The following SGO1 variants were observed in gnomAD, a reference collection of about 807,000 sequenced individuals.
The protein encoded by SGO1 is shugoshin 1, also known as serologically defined breast cancer antigen NY-BR-85.
SGO1 carries 39 observed loss-of-function variants against 50.5 expected under a neutral mutation model. That is an observed-to-expected ratio of 0.77 (90% CI 0.60 to 1.01). SGO1 has a LOEUF of 1.01. Ranked by LOEUF, SGO1 falls within the 50% of genes least tolerant of loss-of-function variation. The pLI, the probability that SGO1 is intolerant of heterozygous loss-of-function variation, is 0.00. For missense variants in SGO1, 638 were observed against 606.0 expected (o/e 1.05, Z -0.55); for synonymous variants, 191 against 205.1 (o/e 0.93, Z 0.59).
At chr3:20,167,282 C>T (rs1042839004), downstream of SGO1, among the ~76,000 whole-genome samples, 8 of 151,962 alleles carry the variant, frequency 5.3e-5, no homozygotes, top group African/African-American at 1.7e-4. Flanking sequence ...GGTTTAAAGA[C>T]CTTAAAGTGA....
downstream of SGO1, among the ~76,000 whole-genome samples, chr3:20,168,168 TTAGGATAATG>T (rs1168842206): frequency 2.0e-5 from 3 of 152,122 alleles, no homozygotes; most frequent in Non-Finnish European, 2.9e-5. Context: ...AACACTGATT[TTAGGATAATG>T]ATTGACTTTG....
At chr3:20,185,567 C>T (rs561581918) in intron 1 of SGO1, among the ~76,000 whole-genome samples, 2 of 152,112 alleles carry the variant, frequency 1.3e-5, no homozygotes, top group Non-Finnish European at 2.9e-5. Context: ...AGTCCTGCTG[C>T]GAAGACAGCC....
rs1701101930 is a variant in SGO1 at position 20,174,276 on chromosome 3, C to G, written c.1255G>C (p.Gly419Arg). ...GTAGGAGTTTTTGTTGGCTTAGAAC[C>G]CTCCGTCTCTTTTTCATCTGTGTAT... is the stretch of plus-strand genomic sequence containing the variant. ...LKYTDEKETE[G>R]SKPTKTPTTT... Residue 419 changes from glycine to arginine, a missense_variant, in exon 6 of 8, where the codon GGT becomes CGT. Physicochemically the swap from Gly to Arg is moderately radical, Grantham distance 125 (BLOSUM62 -2). Transcript: ENST00000412997. 1.2e-6 allele frequency: 2 copies of G among 1,614,016 alleles called. No homozygotes were observed. The highest frequency in any genetic ancestry group is 1.7e-6 in the Non-Finnish European group (2 of 1,179,958).
At chr3:20,171,342 A>G (rs1700723100) in intron 6 of SGO1, 110 bp from the exon 7 acceptor site, 1 of 948,590 alleles carries the variant, frequency 1.1e-6, no homozygotes, top group African/African-American at 1.7e-5. Flanking sequence ...AGCATTTAAT[A>G]ATAGAATTTT....
At chr3:20,172,792 T>TAAAAAAAAAA (rs60411282) in intron 6 of SGO1, among the ~76,000 whole-genome samples, 3 of 98,888 alleles carry the variant, frequency 3.0e-5, no homozygotes, top group South Asian at 3.4e-4. Context: ...TCACAAAAAG[T>TAAAAAAAAAA]AAAAAAAAAA....
rs1368717160 is a variant in SGO1 at position 20,174,728 on chromosome 3, G to A, written c.803C>T (p.Thr268Ile). 6.2e-7 allele frequency: 1 copy of A among 1,613,250 alleles called. No individual in the cohort carries two copies. Among genetic ancestry groups the A allele is most frequent in the Non-Finnish European group, 8.5e-7 (1 of 1,179,896 alleles). ...TTTAGATTCTAAAATGTCTTCTTTT[G>A]TTTTAGTAAACGTTCCTGGCTGAAT... ...KLIQPGTFTK[T>I]KEDILESKSE... Residue 268 changes from threonine to isoleucine, a missense_variant, in exon 6 of 8, where the codon ACA (threonine) becomes ATA (isoleucine). Transcript: ENST00000412997.
Position 20,183,608 on chromosome 3 carries a change from C to T in SGO1, c.339G>A (p.Gln113=), listed in dbSNP as rs777766415. The change falls in exon 3 of 8, where the codon CAG becomes CAA. Residue 113 remains glutamine (Q), a splice_region_variant and synonymous_variant. Coordinates refer to ENST00000412997, the MANE Select transcript of SGO1 (RefSeq NM_001199251.3). The stretch of plus-strand genomic sequence containing the variant: ...AATTCGGCCTTAGTAATGAAAATAC[C>T]TGAGCAGGTTCTACTGTTTGTTGTG... The part of the protein sequence containing the change: ...LTSQQTVEPA[Q]NQEICSSGMD... The T allele has an allele frequency of 3.8e-6, 6 of 1,567,256 alleles. No individual in the cohort carries two copies. Among genetic ancestry groups the T allele is most frequent in the Non-Finnish European group, 4.3e-6 (5 of 1,162,748 alleles).
In SGO1 at chr3:20,161,228, T is replaced by C. The variant is rs757608866; in HGVS notation, c.1565-2A>G. 2 of 1,570,614 alleles carry C rather than the reference T, an allele frequency of 1.3e-6. No individual in the cohort carries two copies. Among genetic ancestry groups the C allele is most frequent in the Non-Finnish European group, 1.7e-6 (2 of 1,161,882 alleles). ...TGGCAGGTGATACCTCCAGGGCTCC[T>C]GGTAAAAGCAAACACAAAATCAGTC... On this transcript the variant is annotated splice_acceptor_variant, in intron 8 of 8. Coordinates refer to the SGO1 transcript ENST00000263753. LOFTEE classifies it high-confidence loss of function.
downstream of SGO1, among the ~76,000 whole-genome samples, chr3:20,167,450 A>G (rs905625875): frequency 1.4e-5 from 2 of 141,506 alleles, no homozygotes; most frequent in Non-Finnish European, 3.2e-5. Context: ...CAACAGAAAA[A>G]AAGGAATAGT....
At chr3:20,184,068 A>G (rs201214353) in intron 1 of SGO1, 34 bp from the exon 2 acceptor site, 2 of 1,494,534 alleles carry the variant, frequency 1.3e-6, no homozygotes, top group East Asian at 4.7e-5. Context: ...CTCAGAGAGA[A>G]TATTATCAAA....
At chr3:20,176,743 T>C (rs1041117519) in intron 4 of SGO1, 84 bp from the exon 5 acceptor site, 7 of 889,272 alleles carry the variant, frequency 7.9e-6, no homozygotes, top group African/African-American at 1.7e-5. Flanking sequence ...ATAATTTTTC[T>C]TTCCTTTAGT....
chr3:20,174,237 T>C lies in SGO1; in HGVS notation c.1282+12A>G, dbSNP rs1309210044. On this transcript the variant is annotated intron_variant, in intron 6 of 7. Transcript: ENST00000412997. ...AACATTAAAAATACAGGTAAACAAG[T>C]AGATCACTTACTGGTAGGAGTTTTT... 1 of 1,589,014 alleles carries C rather than the reference T, an allele frequency of 6.3e-7. No homozygotes were observed. Among genetic ancestry groups the C allele is most frequent in the South Asian group, 1.1e-5 (1 of 90,454 alleles).
chr3:20,180,749 G>A (rs1265731727), intron 3 of SGO1, among the ~76,000 whole-genome samples: 1 of 152,170 alleles, frequency 6.6e-6, no homozygotes, highest in Non-Finnish European at 1.5e-5. Context: ...ATTATCTTTT[G>A]AAATTTGATG....
downstream of SGO1, chr3:20,169,391 G>C (rs1212674755): frequency 3.1e-5 from 31 of 984,762 alleles, no homozygotes; most frequent in Non-Finnish European, 3.7e-5. Flanking sequence ...AGAATACCAA[G>C]GGGAGGGGAG....
At chr3:20,181,156 C>T (rs1034073412) in intron 3 of SGO1, among the ~76,000 whole-genome samples, 3 of 152,094 alleles carry the variant, frequency 2.0e-5, no homozygotes, top group Non-Finnish European at 4.4e-5. Flanking sequence ...CTCTGTCCAC[C>T]CCCAACCTAC....
Position 20,170,121 on chromosome 3 carries a change from G to A in SGO1, c.*583C>T. Reference sequence around the variant, plus strand: ...ACAATGTTTGTATAAGATACATTTTGGGCTGGGCACAGTGGCTCAGTAATC... The same window carrying A: ...ACAATGTTTGTATAAGATACATTTTAGGCTGGGCACAGTGGCTCAGTAATC... On this transcript the variant is annotated 3_prime_UTR_variant, in exon 8 of 8. Transcript: ENST00000412997. The A allele has an allele frequency of 1.0e-6, 1 of 985,062 alleles. No homozygotes were observed. Among genetic ancestry groups the A allele is most frequent in the Non-Finnish European group, 1.2e-6 (1 of 829,680 alleles). The allele number at this position is 985,062 out of a possible 1,614,324, so 61.0% of individuals were successfully genotyped here. A position where few individuals can be genotyped will look rare whatever the true frequency, so the allele number is the denominator to read the frequency against.
At chr3:20,183,379 T>C (rs1702243060) in intron 3 of SGO1, among the ~76,000 whole-genome samples, 1 of 152,248 alleles carries the variant, frequency 6.6e-6, no homozygotes, top group Non-Finnish European at 1.5e-5. Flanking sequence ...CCTGTTTTGC[T>C]ACCTGCTTTA....
rs1575189366 is a variant in SGO1 at position 20,169,728 on chromosome 3, A to G, written c.*976T>C. The G allele has an allele frequency of 3.3e-6, 3 of 904,302 alleles. No homozygotes were observed. The highest frequency in any genetic ancestry group is 4.0e-6 in the Non-Finnish European group (3 of 756,138). 56.0% of individuals were successfully genotyped at this position (904,302 alleles called of 1,614,324 possible). A position where few individuals can be genotyped will look rare whatever the true frequency, so the allele number is the denominator to read the frequency against. On this transcript the variant is annotated 3_prime_UTR_variant, in exon 8 of 8. Coordinates refer to ENST00000412997, the MANE Select transcript of SGO1 (RefSeq NM_001199251.3). ...ATTTTATGGAGACATCACTCTGAAC[A>G]TACAATTAGAGCTTGGGGTTCACAA...
rs192862045 is a variant in SGO1, at chr3:20,163,263, C to T, written c.1565-2037G>A. Among the ~76,000 whole-genome samples, 5 of 152,248 alleles carry T rather than the reference C, an allele frequency of 3.3e-5. No individual in the cohort carries two copies. In the East Asian group the frequency reaches 9.6e-4, roughly 29 times the overall value. On this transcript the variant is annotated intron_variant, in intron 8 of 8. Coordinates refer to the SGO1 transcript ENST00000263753. ...CCTGTTTGGAAAAAAAAAGCACAGCCTGTTGCCAGCACTCGTTTAATTTTA... is the reference window on the plus strand; with the variant it reads ...CCTGTTTGGAAAAAAAAAGCACAGCTTGTTGCCAGCACTCGTTTAATTTTA...
Sources: gnomAD v4.1 joint callset for allele counts (sites outside exome capture counted in the v4.1 genomes callset) on GRCh38, gnomAD v4.1.1 for gene constraint, MANE v1.5 for transcripts, NCBI Gene and HGNC (gene_info 2026-07-23, HGNC 2026-07-21) for gene names.